SIRT1: variants seen among roughly 807,000 people sequenced by gnomAD.
SIRT1 encodes the protein NAD-dependent protein deacetylase sirtuin-1.
SIRT1 carries 24 observed loss-of-function variants against 67.9 expected under a neutral mutation model. The observed-to-expected ratio is 0.35, with a 90% confidence interval of 0.26 to 0.50. The LOEUF is 0.50. Among genes scored for constraint, SIRT1 ranks in the 20% least tolerant of loss-of-function variants. The pLI is 0.98. For missense variants in SIRT1, 873 were observed against 937.2 expected (o/e 0.93, Z 0.89); for synonymous variants, 378 against 350.7 (o/e 1.08, Z -0.87).
chr10:67,910,573 T>G (rs1407124824), intron 7 of SIRT1, among the ~76,000 whole-genome samples: 1 of 152,190 alleles, frequency 6.6e-6, no homozygotes, highest in Admixed American at 6.5e-5. Flanking sequence ...TCAAATTTAA[T>G]TGATTTCACA....
rs77630587 is a variant in SIRT1, at chr10:67,885,807, A to G, written c.430+656A>G. ...GAGCTGTTCATATTACTTTTATTCT[A>G]ATCTTGCTCTTGTGCGGTAATGGTG... On this transcript the variant is annotated intron_variant, in intron 1 of 8. Coordinates refer to ENST00000212015, the MANE Select transcript of SIRT1 (RefSeq NM_012238.5). Among the ~76,000 whole-genome samples, 7 of 152,038 alleles carry G rather than the reference A, an allele frequency of 4.6e-5. No homozygotes were observed. In the East Asian group the frequency reaches 1.4e-3, roughly 29 times the overall value.
At chr10:67,888,586 TATG>T (rs751697563) in intron 2 of SIRT1, among the ~76,000 whole-genome samples, 3 of 152,182 alleles carry the variant, frequency 2.0e-5, no homozygotes, top group Admixed American at 6.5e-5. Flanking sequence ...CTTTTGGTAT[TATG>T]GTGTGTGTTT....
chr10:67,896,854 T>C (rs1842666725), intron 4 of SIRT1, among the ~76,000 whole-genome samples: 1 of 148,932 alleles, frequency 6.7e-6, no homozygotes. Context: ...GTCTTCAAAA[T>C]GTTCCTTGCA....
At chr10:67,905,672 G>A (rs945701647) in intron 4 of SIRT1, among the ~76,000 whole-genome samples, 1 of 152,146 alleles carries the variant, frequency 6.6e-6, no homozygotes, top group Non-Finnish European at 1.5e-5. Context: ...CTTACAGCCT[G>A]TTTGTATCCT....
chr10:67,888,492 T>C (rs1332591573), intron 2 of SIRT1, among the ~76,000 whole-genome samples: 1 of 152,210 alleles, frequency 6.6e-6, no homozygotes, highest in Non-Finnish European at 1.5e-5. Context: ...TTCATTTCTT[T>C]TTCCTGTGTG....
chr10:67,887,386 A>G (rs927410305), intron 1 of SIRT1, 31 bp from the exon 2 acceptor site: 1 of 1,445,274 alleles, frequency 6.9e-7, no homozygotes, highest in Non-Finnish European at 9.7e-7. Context: ...TGTTGTTTTG[A>G]TAGCCTTGAC....
At chr10:67,887,999 C>G (rs925039731) in intron 2 of SIRT1, among the ~76,000 whole-genome samples, 4 of 152,162 alleles carry the variant, frequency 2.6e-5, no homozygotes, top group African/African-American at 7.2e-5. Flanking sequence ...CTGTATCTTA[C>G]TTTTTAAATT....
intron 4 of SIRT1, among the ~76,000 whole-genome samples, chr10:67,893,138 TTTTATTTTAC>T (rs1465774923): frequency 2.0e-5 from 3 of 150,238 alleles, no homozygotes; most frequent in South Asian, 2.2e-4. Context: ...AGTCATTTTA[TTTTATTTTAC>T]TTTAAGTGCC....
chr10:67,891,473 CCCAGATCTT>C lies in SIRT1; in HGVS notation c.869_877del (p.Leu290_Asp292del). Reference sequence around the variant, plus strand: ...TTTATGCTCGCCTTGCTGTAGACTTCCCAGATCTTCCAGATCCTCAAGCGATGTTTGATA... The same window carrying C: ...TTTATGCTCGCCTTGCTGTAGACTTCCCAGATCCTCAAGCGATGTTTGATA... On this transcript the variant is annotated inframe_deletion, in exon 4 of 9. Coordinates refer to ENST00000212015, the MANE Select transcript of SIRT1 (RefSeq NM_012238.5). 6.2e-7 allele frequency: 1 copy of C among 1,614,058 alleles called. No individual in the cohort carries two copies. The highest frequency in any genetic ancestry group is 8.5e-7 in the Non-Finnish European group (1 of 1,179,952).
chr10:67,884,691 G>A lies in SIRT1; in HGVS notation c.-31G>A. On this transcript the variant is annotated 5_prime_UTR_variant, in exon 1 of 9. Coordinates refer to ENST00000212015, the MANE Select transcript of SIRT1 (RefSeq NM_012238.5). ...CGCGTCGAGCGGGAGCAGAGGAGGC[G>A]AGGGAGGAGGGCCAGAGAGGCAGTT... The A allele has an allele frequency of 1.6e-6, 2 of 1,227,706 alleles. No individual in the cohort carries two copies. The highest frequency in any genetic ancestry group is 8.3e-5 in the South Asian group (2 of 23,972). The allele number at this position is 1,227,706 out of a possible 1,614,324, so 76.1% of individuals were successfully genotyped here. A position where few individuals can be genotyped will look rare whatever the true frequency, so the allele number is the denominator to read the frequency against.
intron 6 of SIRT1, 109 bp downstream of exon 6, chr10:67,908,234 C>G (rs1842849838): frequency 2.3e-6 from 2 of 857,178 alleles, no homozygotes; most frequent in South Asian, 2.0e-5. Context: ...CAGAAAGATT[C>G]AGGAAGAAAA....
Position 67,891,475 on chromosome 10 carries a change from C to G in SIRT1, c.863C>G (p.Pro288Arg), listed in dbSNP as rs1842572723. 6.2e-7 allele frequency: 1 copy of G among 1,613,956 alleles called. No individual in the cohort carries two copies. The highest frequency in any genetic ancestry group is 1.3e-5 in the African/African-American group (1 of 74,918). Reference sequence around the variant, plus strand: ...TATGCTCGCCTTGCTGTAGACTTCCCAGATCTTCCAGATCCTCAAGCGATG... The same window carrying G: ...TATGCTCGCCTTGCTGTAGACTTCCGAGATCTTCCAGATCCTCAAGCGATG... ...GIYARLAVDF[P>R]DLPDPQAMFD... The change falls in exon 4 of 9, where the codon CCA (proline) becomes CGA (arginine). Residue 288 changes from proline to arginine, a missense_variant. Pro to Arg is a moderately radical substitution (Grantham distance 103, BLOSUM62 -2). Around this residue, in one of 3 missense-constraint regions of SIRT1, gnomAD observed 251 missense variants for 358.8 expected, o/e 0.70. Coordinates refer to ENST00000212015, the MANE Select transcript of SIRT1 (RefSeq NM_012238.5).
chr10:67,913,449 CA>C (rs1295098198), intron 8 of SIRT1, among the ~76,000 whole-genome samples: 2 of 152,152 alleles, frequency 1.3e-5, no homozygotes, highest in Non-Finnish European at 2.9e-5. Context: ...GTGGAAGAAC[CA>C]GATTAAAATC....
In SIRT1 at chr10:67,906,560, CTT is replaced by C. The variant is rs1422354670; in HGVS notation, c.943-228_943-227del. 2.6e-5 allele frequency among the ~76,000 whole-genome samples: 4 copies of C among 152,124 alleles called. No homozygotes were observed. In the Middle Eastern group the frequency reaches 0.01, roughly 388 times the overall value. On this transcript the variant is annotated intron_variant, in intron 4 of 8. Transcript: ENST00000212015. ...TTTCTTAGAGATGTTTATGGGCCGACTTTGTCTTTTTCTTCAAGGGGCCAAGT... is the reference window on the plus strand; with the variant it reads ...TTTCTTAGAGATGTTTATGGGCCGACTGTCTTTTTCTTCAAGGGGCCAAGT...
chr10:67,885,220 AGGTTGAG>A, intron 1 of SIRT1, 69 bp downstream of exon 1: 1 of 1,267,798 alleles, frequency 7.9e-7, no homozygotes, highest in African/African-American at 1.5e-5. Flanking sequence ...TACTGGCCTG[AGGTTGAG>A]GGCGGCTGGG....
intron 4 of SIRT1, among the ~76,000 whole-genome samples, chr10:67,898,258 CAAAA>C (rs756541937): frequency 3.0e-5 from 2 of 66,740 alleles, no homozygotes; most frequent in Non-Finnish European, 3.5e-5. Flanking sequence ...GACTCTGTCT[CAAAA>C]AAAAAAAAAA....
chr10:67,892,507 A>C (rs1842589090), intron 4 of SIRT1, among the ~76,000 whole-genome samples: 1 of 152,230 alleles, frequency 6.6e-6, no homozygotes, highest in South Asian at 2.1e-4. Flanking sequence ...CAGGAGCTCA[A>C]GACTGAGTGA....
intron 8 of SIRT1, 25 bp downstream of exon 8, chr10:67,913,056 T>G: frequency 6.4e-7 from 1 of 1,569,652 alleles, no homozygotes; most frequent in Non-Finnish European, 8.6e-7. Context: ...CGGACCATTT[T>G]GAAAGTATAA....
At chr10:67,905,295 T>G (rs1286704685) in intron 4 of SIRT1, among the ~76,000 whole-genome samples, 2 of 152,250 alleles carry the variant, frequency 1.3e-5, no homozygotes, top group African/African-American at 2.4e-5. Flanking sequence ...TTAACTGAAC[T>G]CACTTTTCCA....
Sources: gnomAD v4.1 joint callset for allele counts (sites outside exome capture counted in the v4.1 genomes callset) on GRCh38, gnomAD v4.1.1 for gene constraint, gnomAD v4.1.1 regional missense constraint, MANE v1.5 for transcripts, NCBI Gene and HGNC (gene_info 2026-07-23, HGNC 2026-07-21) for gene names.